Variants in SCN9A observed in about 807,000 individuals in gnomAD.
The protein encoded by SCN9A is sodium voltage-gated channel alpha subunit 9.
Under a neutral mutation model 187.0 loss-of-function variants are expected in SCN9A, and 131 were observed. That is an observed-to-expected ratio of 0.70 (90% CI 0.61 to 0.81). SCN9A has a LOEUF of 0.81. Ranked by LOEUF, SCN9A falls within the 30% of genes least tolerant of loss-of-function variation. SCN9A has a pLI of 0.00. For missense variants in SCN9A, 2,252 were observed against 2,396.6 expected (o/e 0.94, Z 1.26); for synonymous variants, 809 against 808.6 (o/e 1.00, Z -0.01).
chr2:166,340,681 T>C (rs1402144400), intron 1 of SCN9A, among the ~76,000 whole-genome samples: 1 of 151,658 alleles, frequency 6.6e-6, no homozygotes, highest in East Asian at 1.9e-4. Context: ...AGTGCAGTAG[T>C]GCATTGACAG....
At position 166,216,157 on chromosome 2, in the gene SCN9A, GCAGA is replaced by G. The variant is rs142218210; in HGVS notation, c.4398+10406_4398+10409del. Among the ~76,000 whole-genome samples, 493 of 152,112 alleles carry G rather than the reference GCAGA, an allele frequency of 3.2e-3. 2 individuals carry two copies. The highest frequency in any genetic ancestry group is 0.011 in the African/African-American group (472 of 41,530). Reference sequence around the variant, plus strand: ...AAATCATATGATCATCTTACTAGATGCAGACAAAGCATTTGATAAAATCCAGCAT... The same window carrying G: ...AAATCATATGATCATCTTACTAGATGCAAAGCATTTGATAAAATCCAGCAT... On this transcript the variant is annotated intron_variant, in intron 24 of 26. Transcript: ENST00000642356.
chr2:166,238,359 G>C (rs1476752915), intron 19 of SCN9A, 92 bp from the exon 20 acceptor site: 4 of 842,306 alleles, frequency 4.7e-6, no homozygotes, highest in Non-Finnish European at 7.3e-6. Context: ...CTAATGCTAA[G>C]ACTGCTGAAA....
At chr2:166,366,519 A>G (rs1700421285) in intron 1 of SCN9A, among the ~76,000 whole-genome samples, 1 of 152,194 alleles carries the variant, frequency 6.6e-6, no homozygotes, top group African/African-American at 2.4e-5. Context: ...TCTGATTTCA[A>G]TTGCTGGATC....
At position 166,277,055 on chromosome 2, in the gene SCN9A, G is replaced by A. The variant is rs1436103213; in HGVS notation, c.2802C>T (p.Asp934=). The A allele has an allele frequency of 6.2e-7, 1 of 1,613,936 alleles. No individual in the cohort carries two copies. The highest frequency in any genetic ancestry group is 8.5e-7 in the Non-Finnish European group (1 of 1,179,960). ...LCGEWIETMW[D]CMEVAGQAMC... Reference sequence around the variant, plus strand: ...TAGCTTGACCAGCGACCTCCATACAGTCCCACATGGTCTCTATCCACTCTC... The same window carrying A: ...TAGCTTGACCAGCGACCTCCATACAATCCCACATGGTCTCTATCCACTCTC... Residue 934 remains aspartate, a synonymous_variant, in exon 16 of 27, where the codon GAC becomes GAT. Coordinates refer to ENST00000642356, the MANE Select transcript of SCN9A (RefSeq NM_001365536.1).
At chr2:166,323,079 T>G (rs2105249643) in intron 1 of SCN9A, among the ~76,000 whole-genome samples, 1 of 152,300 alleles carries the variant, frequency 6.6e-6, no homozygotes, top group East Asian at 1.9e-4. Flanking sequence ...TTGCAAAATA[T>G]TTTTTAATTA....
At chr2:166,252,137 G>A (rs1256136773) in intron 17 of SCN9A, among the ~76,000 whole-genome samples, 5 of 151,822 alleles carry the variant, frequency 3.3e-5, no homozygotes, top group African/African-American at 9.7e-5. Context: ...CAAGTACGTG[G>A]CCAAAATTAG....
intron 2 of SCN9A, among the ~76,000 whole-genome samples, chr2:166,308,178 T>A (rs1345731020): frequency 6.6e-6 from 1 of 152,214 alleles, no homozygotes; most frequent in African/African-American, 2.4e-5. Flanking sequence ...TATTTTAAAA[T>A]TAATACCTAG....
At chr2:166,292,133 C>A (rs568240034) in intron 9 of SCN9A, among the ~76,000 whole-genome samples, 8 of 152,044 alleles carry the variant, frequency 5.3e-5, no homozygotes, top group Non-Finnish European at 1.2e-4. Flanking sequence ...AGTGAACAGG[C>A]AAACTATAGA....
intron 20 of SCN9A, among the ~76,000 whole-genome samples, chr2:166,237,379 G>A (rs1695363794): frequency 6.6e-6 from 1 of 151,890 alleles, no homozygotes; most frequent in South Asian, 2.1e-4. Context: ...GAATTATTAT[G>A]TATTTTCCAT....
At chr2:166,241,602 AGCCT>A (rs1695567306) in intron 19 of SCN9A, among the ~76,000 whole-genome samples, 1 of 152,092 alleles carries the variant, frequency 6.6e-6, no homozygotes, top group Non-Finnish European at 1.5e-5. Context: ...TGTTCCCCTC[AGCCT>A]GCCTTGCCTA....
At position 166,265,883 on chromosome 2, in the gene SCN9A, G is replaced by T. The variant is rs548037783; in HGVS notation, c.3351+6516C>A. 8.6e-4 allele frequency among the ~76,000 whole-genome samples: 131 copies of T among 151,786 alleles called. No homozygotes were observed. The South Asian group carries it at 0.012, about 13-fold the overall frequency. On this transcript the variant is annotated intron_variant, in intron 17 of 26. Coordinates refer to ENST00000642356, the MANE Select transcript of SCN9A (RefSeq NM_001365536.1). ...CTTCTTTTGAGAAATATCTATTCAGGTCTTTTGTCCATTTTTGAATTATTT... is the reference window on the plus strand; with the variant it reads ...CTTCTTTTGAGAAATATCTATTCAGTTCTTTTGTCCATTTTTGAATTATTT...
At chr2:166,247,935 GTCTGAAGTCTT>G (rs1191003478) in intron 18 of SCN9A, among the ~76,000 whole-genome samples, 1 of 152,072 alleles carries the variant, frequency 6.6e-6, no homozygotes, top group African/African-American at 2.4e-5. Context: ...TACGGAAGCA[GTCTGAAGTCTT>G]CAAATACAAA....
In SCN9A at chr2:166,238,273, G is replaced by A; in HGVS notation, c.3628-6C>T. 6.6e-7 allele frequency: 1 copy of A among 1,524,222 alleles called. No homozygotes were observed. The highest frequency in any genetic ancestry group is 8.8e-7 in the Non-Finnish European group (1 of 1,132,432). The allele number at this position is 1,524,222 out of a possible 1,614,324, so 94.4% of individuals were successfully genotyped here. On this transcript the variant is annotated splice_polypyrimidine_tract_variant and splice_region_variant and intron_variant, in intron 19 of 26. Transcript: ENST00000642356. ...ATATAAATATCTTCAAAAGCCTGTG[G>A]AAATAATATTCAAGTTTCAATCATG...
intron 18 of SCN9A, among the ~76,000 whole-genome samples, chr2:166,244,037 G>A (rs887814359): frequency 3.9e-5 from 6 of 151,998 alleles, no homozygotes; most frequent in African/African-American, 1.4e-4. Flanking sequence ...GTAAGAGAAA[G>A]GAAGGATCCC....
At chr2:166,212,842 A>T (rs1694157266) in intron 24 of SCN9A, among the ~76,000 whole-genome samples, 1 of 152,208 alleles carries the variant, frequency 6.6e-6, no homozygotes, top group Admixed American at 6.5e-5. Flanking sequence ...AAACTGAAAA[A>T]TTCACAAATA....
At chr2:166,269,973 A>G (rs1696904311) in intron 17 of SCN9A, among the ~76,000 whole-genome samples, 1 of 152,018 alleles carries the variant, frequency 6.6e-6, no homozygotes, top group Admixed American at 6.6e-5. Context: ...TAGGTGACTG[A>G]GTTAGTTTCC....
intron 17 of SCN9A, among the ~76,000 whole-genome samples, chr2:166,258,498 C>T (rs1428146627): frequency 6.6e-6 from 1 of 151,406 alleles, no homozygotes; most frequent in Admixed American, 6.6e-5. Context: ...TTAACTGATG[C>T]ATTTTATATA....
At position 166,198,693 on chromosome 2, in the gene SCN9A, G is replaced by T; in HGVS notation, c.5946C>A (p.Asp1982Glu). 6.2e-7 allele frequency: 1 copy of T among 1,603,558 alleles called. No individual in the cohort carries two copies. The highest frequency in any genetic ancestry group is 1.1e-5 in the South Asian group (1 of 88,220). ...DRTEKEDKGKDSKESKK is the reference protein window; with the variant it reads ...DRTEKEDKGKESKESKK Reference sequence around the variant, plus strand: ...AGCTCTATTTTTTGCTTTCCTTGCTGTCTTTCCCTTTGTCTTCCTTTTCTG... The same window carrying T: ...AGCTCTATTTTTTGCTTTCCTTGCTTTCTTTCCCTTTGTCTTCCTTTTCTG... The change falls in exon 27 of 27, where the codon GAC becomes GAA. Residue 1982 changes from aspartate to glutamate, a missense_variant. Physicochemically the swap from Asp to Glu is conservative, Grantham distance 45 (BLOSUM62 2). This residue lies in a region of SCN9A where 345 missense variants were observed against 344.6 expected (regional missense o/e 1.00). Transcript: ENST00000642356.
intron 18 of SCN9A, among the ~76,000 whole-genome samples, chr2:166,247,619 C>A (rs1202948563): frequency 1.3e-5 from 2 of 152,008 alleles, no homozygotes; most frequent in Admixed American, 6.6e-5. Context: ...TGGGTTCAAG[C>A]GATTCTCCTG....
Sources: gnomAD v4.1 joint callset for allele counts (sites outside exome capture counted in the v4.1 genomes callset) on GRCh38, gnomAD v4.1.1 for gene constraint, gnomAD v4.1.1 regional missense constraint, MANE v1.5 for transcripts, NCBI Gene and HGNC (gene_info 2026-07-23, HGNC 2026-07-21) for gene names.